The following RFX2 variants were observed in gnomAD, a reference collection of about 807,000 sequenced individuals.
RFX2 encodes DNA-binding protein RFX2.
Under a neutral mutation model 87.8 loss-of-function variants are expected in RFX2, and 20 were observed. That is an observed-to-expected ratio of 0.23 (90% CI 0.16 to 0.33). The LOEUF (loss-of-function observed/expected upper bound fraction) is 0.33. Ranked by LOEUF, RFX2 falls within the 10% of genes least tolerant of loss-of-function variation. The pLI is 1.00. For synonymous variants in RFX2, 397 were observed against 431.3 expected (o/e 0.92, Z 0.98); for missense variants, 767 against 1,012.3 (o/e 0.76, Z 3.29).
rs980396010 is a variant in RFX2 at position 6,061,915 on chromosome 19, G to A, written c.-8-14411C>T. Among the ~76,000 whole-genome samples, 3 of 152,172 alleles carry A rather than the reference G, an allele frequency of 2.0e-5. No homozygotes were observed. Among genetic ancestry groups the A allele is most frequent in the African/African-American group, 7.2e-5 (3 of 41,420 alleles). The stretch of plus-strand genomic sequence containing the variant: ...TGAAATATGTCCTAGGCAGGGGCGG[G>A]AGGATCCATTGAACCCAGGAGTTCG... On this transcript the variant is annotated intron_variant, in intron 1 of 17. Coordinates refer to ENST00000303657, the MANE Select transcript of RFX2 (RefSeq NM_000635.4). This position sits in a 1 kb window ranked among gnomAD's most constrained non-coding sequence, Gnocchi z 5.2.
chr19:6,094,447 C>T (rs1021668436), intron 1 of RFX2, among the ~76,000 whole-genome samples: 8 of 152,086 alleles, frequency 5.3e-5, no homozygotes, highest in African/African-American at 9.7e-5. Context: ...AAATGGACAA[C>T]GCTGAGGTCA....
Position 6,011,319 on chromosome 19 carries a change from C to G in RFX2, c.900-1068G>C, listed in dbSNP as rs2086656822. 6.6e-6 allele frequency among the ~76,000 whole-genome samples: 1 copy of G among 152,078 alleles called. No individual in the cohort carries two copies. The highest frequency in any genetic ancestry group is 1.5e-5 in the Non-Finnish European group (1 of 68,004). Reference sequence around the variant, plus strand: ...TTTCCAGGCGCTGGACTCCTCAGGGCCCGGTGTGTGGTGTGGTGGGGGCAG... The same window carrying G: ...TTTCCAGGCGCTGGACTCCTCAGGGGCCGGTGTGTGGTGTGGTGGGGGCAG... On this transcript the variant is annotated intron_variant, in intron 8 of 17. Coordinates refer to ENST00000303657, the MANE Select transcript of RFX2 (RefSeq NM_000635.4). This position sits in a 1 kb window ranked among gnomAD's most constrained non-coding sequence, Gnocchi z 4.8.
At position 6,064,710 on chromosome 19, in the gene RFX2, G is replaced by C. The variant is rs1339460028; in HGVS notation, c.-8-17206C>G. Among the ~76,000 whole-genome samples, 1 of 152,234 alleles carries C rather than the reference G, an allele frequency of 6.6e-6. No individual in the cohort carries two copies. The highest frequency in any genetic ancestry group is 2.4e-5 in the African/African-American group (1 of 41,452). Reference sequence around the variant, plus strand: ...GCCAGTGAGGGCAGGGCAACAGGCAGTGCATGTTCTTTCCACATCTCCATG... The same window carrying C: ...GCCAGTGAGGGCAGGGCAACAGGCACTGCATGTTCTTTCCACATCTCCATG... On this transcript the variant is annotated intron_variant, in intron 1 of 17. Coordinates refer to ENST00000303657, the MANE Select transcript of RFX2 (RefSeq NM_000635.4). The surrounding 1 kb of genome is among the most constrained non-coding windows in gnomAD (Gnocchi z 4.8).
rs755906965 is a variant in RFX2, at chr19:5,997,395, C to T, written c.1860-182G>A. 82 of 666,302 alleles carry T rather than the reference C, an allele frequency of 1.2e-4. No homozygotes were observed. The highest frequency in any genetic ancestry group is 4.3e-4 in the Middle Eastern group (1 of 2,330). 41.3% of individuals were successfully genotyped at this position (666,302 alleles called of 1,614,324 possible). A position where few individuals can be genotyped will look rare whatever the true frequency, so the allele number is the denominator to read the frequency against. The stretch of plus-strand genomic sequence containing the variant: ...ACGGGCTGCCGAGACCCTGGGCCCA[C>T]GTGACGGACAGGTGGGGCCGGCCTG... On this transcript the variant is annotated intron_variant, in intron 15 of 17. Transcript: ENST00000303657. This position sits in a 1 kb window ranked among gnomAD's most constrained non-coding sequence, Gnocchi z 4.2.
intron 13 of RFX2, among the ~76,000 whole-genome samples, chr19:6,003,122 A>G (rs1288362537): frequency 6.6e-6 from 1 of 152,078 alleles, no homozygotes. Flanking sequence ...AGAATTCACA[A>G]CTGTCGCCAT....
At chr19:6,054,657 T>G (rs1194952861) in intron 1 of RFX2, among the ~76,000 whole-genome samples, 1 of 152,038 alleles carries the variant, frequency 6.6e-6, no homozygotes, top group Non-Finnish European at 1.5e-5. Context: ...TGGTGATGGA[T>G]CAACAGAATA....
chr19:6,108,068 T>C (rs1046145702), intron 1 of RFX2, among the ~76,000 whole-genome samples: 6 of 152,212 alleles, frequency 3.9e-5, no homozygotes, highest in Non-Finnish European at 5.9e-5. Context: ...TATTTCAGTA[T>C]TGCTTTTCCT....
Position 5,997,532 on chromosome 19 carries a change from T to G in RFX2, c.1860-319A>C, listed in dbSNP as rs780710562. On this transcript the variant is annotated intron_variant, in intron 15 of 17. Transcript: ENST00000303657. This position sits in a 1 kb window ranked among gnomAD's most constrained non-coding sequence, Gnocchi z 4.2. ...GGCTGGTGCTAGCGCAGGCGCTAGA[T>G]GGGATCTTAGCTGGTGAGTCTTTCT... Among the ~76,000 whole-genome samples, 8 of 152,222 alleles carry G rather than the reference T, an allele frequency of 5.3e-5. No individual in the cohort carries two copies. Among genetic ancestry groups the G allele is most frequent in the Non-Finnish European group, 1.0e-4 (7 of 68,026 alleles).
chr19:6,010,390 A>G lies in RFX2; in HGVS notation c.900-139T>C, dbSNP rs1354775907. 4 of 631,026 alleles carry G rather than the reference A, an allele frequency of 6.3e-6. No homozygotes were observed. Among genetic ancestry groups the G allele is most frequent in the African/African-American group, 1.8e-5 (1 of 55,480 alleles). 39.1% of individuals were successfully genotyped at this position (631,026 alleles called of 1,614,324 possible). On this transcript the variant is annotated intron_variant, in intron 8 of 17. Coordinates refer to ENST00000303657, the MANE Select transcript of RFX2 (RefSeq NM_000635.4). The surrounding 1 kb of genome is among the most constrained non-coding windows in gnomAD (Gnocchi z 5.0). ...GTTGCGGTCAAATACACATAACACAAAAGCTACCATCGGAACCATCTTGAG... is the reference window on the plus strand; with the variant it reads ...GTTGCGGTCAAATACACATAACACAGAAGCTACCATCGGAACCATCTTGAG...
In RFX2 at chr19:6,002,448, G is replaced by A. The variant is rs2086503732; in HGVS notation, c.1650+273C>T. Among the ~76,000 whole-genome samples, 1 of 152,252 alleles carries A rather than the reference G, an allele frequency of 6.6e-6. No homozygotes were observed. Among genetic ancestry groups the A allele is most frequent in the Non-Finnish European group, 1.5e-5 (1 of 68,044 alleles). ...AAATGGCCACAGGGAGGTCAACGTGGTGCCACGATCCTGGAAGCTGGGGGC... is the reference window on the plus strand; with the variant it reads ...AAATGGCCACAGGGAGGTCAACGTGATGCCACGATCCTGGAAGCTGGGGGC... On this transcript the variant is annotated intron_variant, in intron 14 of 17. Transcript: ENST00000303657. The surrounding 1 kb of genome is among the most constrained non-coding windows in gnomAD (Gnocchi z 6.7).
chr19:6,007,106 G>C lies in RFX2; in HGVS notation c.1308C>G (p.Cys436Trp). ...TCCTCATCCACCTGAGGATGGGGTC[G>C]CACTGACACAGGGAGATAAGCTTGT... ...PKDKLISLCQCDPILRWMRSC... is the reference protein window; with the variant it reads ...PKDKLISLCQWDPILRWMRSC... Residue 436 changes from cysteine (C) to tryptophan (W), a missense_variant, in exon 12 of 18, where the codon TGC (cysteine) becomes TGG (tryptophan). Cys to Trp is a radical substitution (Grantham distance 215). Coordinates refer to ENST00000303657, the MANE Select transcript of RFX2 (RefSeq NM_000635.4). The surrounding 1 kb of genome is among the most constrained non-coding windows in gnomAD (Gnocchi z 8.2). 1.2e-6 allele frequency: 2 copies of C among 1,614,088 alleles called. No homozygotes were observed. Among genetic ancestry groups the C allele is most frequent in the Non-Finnish European group, 1.7e-6 (2 of 1,179,994 alleles).
intron 1 of RFX2, among the ~76,000 whole-genome samples, chr19:6,052,062 G>C (rs1028637540): frequency 3.9e-5 from 6 of 152,058 alleles, no homozygotes; most frequent in African/African-American, 1.2e-4. Context: ...ATTTTTAGTA[G>C]AGACGGGGTT....
rs184823193 is a variant in RFX2 at position 6,010,826 on chromosome 19, G to T, written c.900-575C>A. Among the ~76,000 whole-genome samples, 13 of 152,268 alleles carry T rather than the reference G, an allele frequency of 8.5e-5. No homozygotes were observed. The highest frequency in any genetic ancestry group is 3.1e-4 in the African/African-American group (13 of 41,548). Reference sequence around the variant, plus strand: ...ACATTTCTCTCTTAGAAAAAAAAGTGAAATTCTTGGCCGGGCGCAGGGGCT... The same window carrying T: ...ACATTTCTCTCTTAGAAAAAAAAGTTAAATTCTTGGCCGGGCGCAGGGGCT... On this transcript the variant is annotated intron_variant, in intron 8 of 17. Coordinates refer to ENST00000303657, the MANE Select transcript of RFX2 (RefSeq NM_000635.4). The surrounding 1 kb of genome is among the most constrained non-coding windows in gnomAD (Gnocchi z 5.0).
At chr19:6,106,264 C>G (rs896606953) in intron 1 of RFX2, among the ~76,000 whole-genome samples, 3 of 151,806 alleles carry the variant, frequency 2.0e-5, no homozygotes, top group Non-Finnish European at 2.9e-5. Context: ...TCCATCCATC[C>G]ATCCAACAAA....
chr19:6,101,297 G>T lies in RFX2; in HGVS notation c.-9+9096C>A, dbSNP rs577549261. On this transcript the variant is annotated intron_variant, in intron 1 of 17. Coordinates refer to ENST00000303657, the MANE Select transcript of RFX2 (RefSeq NM_000635.4). The surrounding 1 kb of genome is among the most constrained non-coding windows in gnomAD (Gnocchi z 4.9). ...CACATCTTTTAGTCTGTTTTCAGTG[G>T]GTCTGGAATTCCAAATATATTTTTT... 6.6e-6 allele frequency among the ~76,000 whole-genome samples: 1 copy of T among 152,240 alleles called. No homozygotes were observed. The highest frequency in any genetic ancestry group is 1.9e-4 in the East Asian group (1 of 5,188).
At chr19:6,036,840 T>C (rs975947381) in intron 5 of RFX2, among the ~76,000 whole-genome samples, 1 of 152,118 alleles carries the variant, frequency 6.6e-6, no homozygotes. Context: ...GGCAAGGATG[T>C]CCATTCTTGC....
At chr19:6,069,858 G>C (rs1316387819) in intron 1 of RFX2, among the ~76,000 whole-genome samples, 1 of 152,172 alleles carries the variant, frequency 6.6e-6, no homozygotes, top group Non-Finnish European at 1.5e-5. Context: ...AAGAGGAATG[G>C]GGAGGCAGCT....
chr19:6,106,123 T>C (rs2088212763), intron 1 of RFX2, among the ~76,000 whole-genome samples: 1 of 152,206 alleles, frequency 6.6e-6, no homozygotes, highest in Non-Finnish European at 1.5e-5. Flanking sequence ...TCTTCCCCTA[T>C]ATTTTTTTTC....
At chr19:6,052,372 C>T (rs991627828) in intron 1 of RFX2, among the ~76,000 whole-genome samples, 1 of 152,040 alleles carries the variant, frequency 6.6e-6, no homozygotes, top group Admixed American at 6.5e-5. Flanking sequence ...AGTAATACAG[C>T]TTCAAGATAC....
Sources: allele counts gnomAD v4.1 joint callset (sites outside exome capture counted in the v4.1 genomes callset), GRCh38; gene constraint gnomAD v4.1.1; non-coding constraint Gnocchi (gnomAD v3.1); transcripts MANE v1.5; gene names NCBI Gene and HGNC (gene_info 2026-07-23, HGNC 2026-07-21).